Variants in LPA observed in about 807,000 individuals in gnomAD.
LPA encodes the protein apolipoprotein(a).
In LPA, 199 loss-of-function variants were observed where a neutral mutation model predicts 197.9. That is an observed-to-expected ratio of 1.01 (90% CI 0.90 to 1.13). LPA has a LOEUF of 1.13. LPA is among the 50% of genes most tolerant of loss of function. The probability of loss-of-function intolerance (pLI) is 0.00; values close to 1 mark genes in which losing one functional copy is unlikely to be tolerated. For synonymous variants in LPA, 715 were observed against 639.5 expected, an observed-to-expected ratio of 1.12 and a Z score of -1.78; for missense variants, 1,853 against 1,785.8, an observed-to-expected ratio of 1.04 and a Z score of -0.68.
intron 24 of LPA, among the ~76,000 whole-genome samples, chr6:160,589,251 G>A (rs1170030774): frequency 6.6e-6 from 1 of 152,240 alleles, no homozygotes; most frequent in South Asian, 2.1e-4. Context: ...CTGGTCTTTA[G>A]TGGGCATTGT....
intron 26 of LPA, among the ~76,000 whole-genome samples, chr6:160,583,461 G>A (rs189286904): frequency 2.0e-5 from 3 of 152,068 alleles, no homozygotes; most frequent in Non-Finnish European, 4.4e-5. Flanking sequence ...GGTTTTTTGG[G>A]GTCTTTGCTG....
intron 20 of LPA, among the ~76,000 whole-genome samples, chr6:160,598,209 GT>G (rs527597604): frequency 3.9e-5 from 6 of 152,032 alleles, no homozygotes; most frequent in South Asian, 2.1e-4. Context: ...AATATATGGT[GT>G]TTTTTTGCCA....
intron 24 of LPA, among the ~76,000 whole-genome samples, chr6:160,587,836 T>C (rs1343839791): frequency 1.3e-5 from 2 of 151,594 alleles, no homozygotes; most frequent in East Asian, 3.9e-4. Context: ...TCCTGTGATT[T>C]GTGTAGCTCC....
At position 160,557,567 on chromosome 6, in the gene LPA, G is replaced by C; in HGVS notation, c.4636C>G (p.Leu1546Val). The C allele has an allele frequency of 6.2e-7, 1 of 1,614,038 alleles. No individual in the cohort carries two copies. Among genetic ancestry groups the C allele is most frequent in the Non-Finnish European group, 8.5e-7 (1 of 1,179,994 alleles). ...RTPENYPNAG[L>V]TENYCRNPDS... ...GGATTCCTGCAGTAGTTCTCGGTCA[G>C]GCCACTGCAAATTCCAAAACAACAC... The change falls in exon 29 of 39, where the codon CTG (leucine) becomes GTG (valine). Residue 1546 changes from leucine (L) to valine (V), a missense_variant. Leu to Val is a conservative substitution (Grantham distance 32, BLOSUM62 1). This residue lies in a region of LPA where 1,737 missense variants were observed against 1,504.4 expected (regional missense o/e 1.15). Transcript: ENST00000316300.
At chr6:160,551,566 T>C (rs1233177807) in intron 30 of LPA, among the ~76,000 whole-genome samples, 1 of 152,262 alleles carries the variant, frequency 6.6e-6, no homozygotes, top group Non-Finnish European at 1.5e-5. Flanking sequence ...TTTTATTTTA[T>C]AGTGAGTGTT....
intron 28 of LPA, among the ~76,000 whole-genome samples, chr6:160,569,323 T>C (rs147704019): frequency 0.017 from 2,589 of 150,104 alleles, 62 homozygotes; most frequent in African/African-American, 0.058. Flanking sequence ...TCAGAAATAA[T>C]ACCACACATC....
chr6:160,610,871 T>C (rs1779488591), intron 16 of LPA, among the ~76,000 whole-genome samples: 1 of 152,162 alleles, frequency 6.6e-6, no homozygotes, highest in South Asian at 2.1e-4. Flanking sequence ...CCATCTGTTG[T>C]CCCACATGTA....
intron 28 of LPA, among the ~76,000 whole-genome samples, chr6:160,561,525 T>C (rs1439318513): frequency 1.3e-5 from 2 of 152,240 alleles, no homozygotes; most frequent in African/African-American, 4.8e-5. Flanking sequence ...AGCTTTGTTC[T>C]TTTTGCTTAG....
chr6:160,562,145 T>C (rs1187239192), intron 28 of LPA, among the ~76,000 whole-genome samples: 7 of 152,172 alleles, frequency 4.6e-5, no homozygotes, highest in Non-Finnish European at 8.8e-5. Context: ...TGTCTTGTGC[T>C]GGTTTTCAAA....
Position 160,590,340 on chromosome 6 carries a change from G to A in LPA, c.3787+604C>T, listed in dbSNP as rs151289870. Among the ~76,000 whole-genome samples the A allele has an allele frequency of 2.6e-4, 39 of 152,286 alleles. 1 individual carries two copies. The highest frequency in any genetic ancestry group is 6.8e-3 in the Middle Eastern group (2 of 294). ...TCTTCACAAACAGCAACACAGATAC[G>A]TGTTCCATGAGAAGGAGGGGCAAGA... On this transcript the variant is annotated intron_variant, in intron 23 of 38. Transcript: ENST00000316300.
At chr6:160,605,303 T>A (rs1779324739) in intron 17 of LPA, 98 bp from the exon 18 acceptor site, 1 of 1,377,298 alleles carries the variant, frequency 7.3e-7, no homozygotes, top group Non-Finnish European at 1.0e-6. Context: ...TCTCTGAGAA[T>A]TATGACCTCA....
chr6:160,601,262 T>G (rs1246180687), intron 18 of LPA, among the ~76,000 whole-genome samples, 164 bp from the exon 19 acceptor site: 1 of 152,198 alleles, frequency 6.6e-6, no homozygotes. Context: ...TAATCCTCTC[T>G]GCACATTTCT....
intron 1 of LPA, among the ~76,000 whole-genome samples, chr6:160,660,775 A>T (rs1582907383): frequency 6.6e-6 from 1 of 152,192 alleles, no homozygotes; most frequent in African/African-American, 2.4e-5. Flanking sequence ...AAGCAAAAAA[A>T]AAATGGAGGA....
intron 23 of LPA, 72 bp downstream of exon 23, chr6:160,590,872 T>C: frequency 3.1e-6 from 5 of 1,592,692 alleles, no homozygotes; most frequent in Non-Finnish European, 4.3e-6. Context: ...AAGGCTTCTG[T>C]ATCACTAAGA....
Position 160,535,159 on chromosome 6 carries a change from G to A in LPA, c.5843-2510C>T, listed in dbSNP as rs552102723. Among the ~76,000 whole-genome samples, 7 of 6,546 alleles carry A rather than the reference G, an allele frequency of 1.1e-3. No individual in the cohort carries two copies. In the East Asian group the frequency reaches 0.033, roughly 31 times the overall value. 4.3% of individuals were successfully genotyped at this position (6,546 alleles called of 152,430 possible). ...TGGTATTGGAGATGGTGTTGATGGT[G>A]ATTATGATGGTGACGATGGTGGTGA... On this transcript the variant is annotated intron_variant, in intron 37 of 38. Coordinates refer to ENST00000316300, the MANE Select transcript of LPA (RefSeq NM_005577.4).
At chr6:160,536,429 AGCACTTGAT>A (rs1442562404) in intron 37 of LPA, among the ~76,000 whole-genome samples, 1 of 152,212 alleles carries the variant, frequency 6.6e-6, no homozygotes, top group East Asian at 1.9e-4. Context: ...GGATGTGCTC[AGCACTTGAT>A]GCACTTTCTT....
intron 24 of LPA, among the ~76,000 whole-genome samples, chr6:160,588,553 G>T (rs761440850): frequency 1.3e-5 from 2 of 152,132 alleles, no homozygotes; most frequent in Non-Finnish European, 2.9e-5. Context: ...GCTTTTCTTT[G>T]TTGTTCTTTC....
At chr6:160,598,970 C>T (rs1200688305) in intron 20 of LPA, among the ~76,000 whole-genome samples, 1 of 152,190 alleles carries the variant, frequency 6.6e-6, no homozygotes, top group African/African-American at 2.4e-5. Flanking sequence ...GTCATCCCGG[C>T]TGTTTTATTA....
intron 16 of LPA, among the ~76,000 whole-genome samples, chr6:160,609,141 T>C (rs908167129): frequency 7.9e-5 from 12 of 152,126 alleles, no homozygotes; most frequent in African/African-American, 1.2e-4. Flanking sequence ...TTCATGCAAT[T>C]CTTCTATTCT....
Sources: gnomAD v4.1 joint callset for allele counts (sites outside exome capture counted in the v4.1 genomes callset) on GRCh38, gnomAD v4.1.1 for gene constraint, gnomAD v4.1.1 regional missense constraint, MANE v1.5 for transcripts, NCBI Gene and HGNC (gene_info 2026-07-23, HGNC 2026-07-21) for gene names.